The following SYT1 variants were observed in gnomAD, a reference collection of about 807,000 sequenced individuals.
SYT1 encodes synaptotagmin 1, also known as synaptotagmin-1.
In SYT1, 8 loss-of-function variants were observed where a neutral mutation model predicts 44.8. That is an observed-to-expected ratio of 0.18 (90% confidence interval 0.10 to 0.32). The LOEUF is 0.32. Among genes scored for constraint, SYT1 ranks in the 10% least tolerant of loss-of-function variants. SYT1 has a pLI of 1.00. For missense variants in SYT1, 286 were observed against 509.3 expected (o/e 0.56, Z 4.22); for synonymous variants, 154 against 188.8 (o/e 0.82, Z 1.51).
At chr12:79,153,189 T>C (rs1172904495) in intron 3 of SYT1, among the ~76,000 whole-genome samples, 3 of 152,132 alleles carry the variant, frequency 2.0e-5, no homozygotes, top group Non-Finnish European at 4.4e-5. Flanking sequence ...TTTCCAAAAT[T>C]ATTTAATTTC....
chr12:79,358,850 G>C (rs1883211616), intron 9 of SYT1, among the ~76,000 whole-genome samples: 1 of 152,134 alleles, frequency 6.6e-6, no homozygotes. Context: ...GGGATTCTTG[G>C]AGACTGGGGA....
chr12:79,335,044 G>C (rs775347180), intron 8 of SYT1, among the ~76,000 whole-genome samples: 1 of 152,050 alleles, frequency 6.6e-6, no homozygotes, highest in Admixed American at 6.6e-5. Context: ...CTACTGATGA[G>C]TATCAAAACA....
chr12:79,269,453 C>T (rs1315387166), intron 4 of SYT1, among the ~76,000 whole-genome samples: 1 of 152,066 alleles, frequency 6.6e-6, no homozygotes, highest in Non-Finnish European at 1.5e-5. Flanking sequence ...TTCTCTCACT[C>T]CACCTCTGCA....
intron 3 of SYT1, among the ~76,000 whole-genome samples, chr12:79,124,538 A>C (rs1450044592): frequency 6.6e-6 from 1 of 152,116 alleles, no homozygotes; most frequent in African/African-American, 2.4e-5. Flanking sequence ...CACCATCATC[A>C]TCATCATCAC....
chr12:79,370,262 C>T (rs1052919979), intron 9 of SYT1, among the ~76,000 whole-genome samples: 5 of 152,102 alleles, frequency 3.3e-5, no homozygotes, highest in Non-Finnish European at 7.4e-5. Context: ...AGTTAAGGAA[C>T]AGTTCAGGCA....
intron 2 of SYT1, among the ~76,000 whole-genome samples, chr12:79,014,465 T>C (rs1430085352): frequency 1.3e-5 from 2 of 152,106 alleles, no homozygotes; most frequent in African/African-American, 2.4e-5. Flanking sequence ...GAAAAAATGC[T>C]CACCATCACT....
chr12:79,179,175 GAT>G (rs1491333616), intron 3 of SYT1, among the ~76,000 whole-genome samples: 1 of 60,056 alleles, frequency 1.7e-5, no homozygotes, highest in Non-Finnish European at 3.2e-5. Flanking sequence ...TATAGATATA[GAT>G]ATATAGATAT....
intron 1 of SYT1, among the ~76,000 whole-genome samples, chr12:78,906,849 A>G (rs1876013737): frequency 6.6e-6 from 1 of 152,108 alleles, no homozygotes; most frequent in South Asian, 2.1e-4. Context: ...TCACCAAAAC[A>G]TTTATTTTAG....
At chr12:79,173,297 A>G (rs1384777268) in intron 3 of SYT1, among the ~76,000 whole-genome samples, 1 of 152,040 alleles carries the variant, frequency 6.6e-6, no homozygotes, top group African/African-American at 2.4e-5. Flanking sequence ...ATAGAGCAGC[A>G]TGCAGCCTCT....
At chr12:79,282,733 C>T (rs889779607) in intron 4 of SYT1, among the ~76,000 whole-genome samples, 3 of 152,092 alleles carry the variant, frequency 2.0e-5, no homozygotes, top group Admixed American at 1.3e-4. Flanking sequence ...TTTAACCTAA[C>T]GACCTAAAGA....
intron 2 of SYT1, among the ~76,000 whole-genome samples, chr12:78,982,865 C>G (rs917718212): frequency 6.6e-6 from 1 of 152,156 alleles, no homozygotes; most frequent in African/African-American, 2.4e-5. Flanking sequence ...ATCCATCATG[C>G]AGCCTGAGTT....
At chr12:79,025,591 A>G (rs923799558) in intron 2 of SYT1, among the ~76,000 whole-genome samples, 12 of 151,734 alleles carry the variant, frequency 7.9e-5, no homozygotes, top group African/African-American at 2.9e-4. Flanking sequence ...TATCTTAGGC[A>G]TACACACACA....
chr12:79,074,190 A>G (rs1040433959), intron 3 of SYT1, among the ~76,000 whole-genome samples: 1 of 152,304 alleles, frequency 6.6e-6, no homozygotes, highest in East Asian at 1.9e-4. Flanking sequence ...CAGGACTTTA[A>G]TACCCCAATA....
chr12:78,970,508 T>C (rs1296849377), intron 1 of SYT1, among the ~76,000 whole-genome samples: 1 of 152,106 alleles, frequency 6.6e-6, no homozygotes, highest in Non-Finnish European at 1.5e-5. Flanking sequence ...GTTTCAGCAA[T>C]ACACAGAAAA....
intron 8 of SYT1, among the ~76,000 whole-genome samples, chr12:79,310,923 A>G (rs542224611): frequency 6.6e-6 from 1 of 152,278 alleles, no homozygotes; most frequent in South Asian, 2.1e-4. Flanking sequence ...GGGCTGAGAC[A>G]ATGGGGTTTT....
At chr12:79,300,170 A>G (rs1441510330) in intron 8 of SYT1, among the ~76,000 whole-genome samples, 1 of 152,168 alleles carries the variant, frequency 6.6e-6, no homozygotes. Flanking sequence ...ATGACTTGAA[A>G]AGGGAAGTTC....
chr12:79,215,739 G>C (rs928120274), intron 3 of SYT1, among the ~76,000 whole-genome samples: 1 of 151,792 alleles, frequency 6.6e-6, no homozygotes, highest in East Asian at 1.9e-4. Flanking sequence ...ATAAAAATTC[G>C]TATCTATGTA....
intron 3 of SYT1, among the ~76,000 whole-genome samples, chr12:79,187,862 G>C (rs1872892456): frequency 6.6e-6 from 1 of 152,056 alleles, no homozygotes. Flanking sequence ...CAATGCCCCT[G>C]TTCAGCTATT....
At chr12:79,205,373 C>T (rs7295323) in intron 3 of SYT1, among the ~76,000 whole-genome samples, 104,937 of 152,084 alleles carry the variant, frequency 0.69, 36,583 homozygotes, top group Admixed American at 0.73. Context: ...CTACTAAAAT[C>T]TTGGGAGGCT....
Sources: allele counts gnomAD v4.1 joint callset (sites outside exome capture counted in the v4.1 genomes callset), GRCh38; gene constraint gnomAD v4.1.1; transcripts MANE v1.5; gene names NCBI Gene and HGNC (gene_info 2026-07-23, HGNC 2026-07-21).